Variants in INPP4B observed in about 807,000 individuals in gnomAD.
The protein encoded by INPP4B is inositol polyphosphate 4-phosphatase type II.
In INPP4B, 55 loss-of-function variants were observed where a neutral mutation model predicts 122.5. The observed-to-expected ratio is 0.45, with a 90% CI of 0.36 to 0.56. INPP4B has a LOEUF of 0.56. INPP4B is among the 20% of genes least tolerant of loss of function. INPP4B has a pLI of 0.00. For synonymous variants in INPP4B, 403 were observed against 388.7 expected, an observed-to-expected ratio of 1.04 and a Z score of -0.43; for missense variants, 1,000 against 1,097.7, an observed-to-expected ratio of 0.91 and a Z score of 1.26.
intron 2 of INPP4B, among the ~76,000 whole-genome samples, chr4:142,686,241 G>C (rs181955383): frequency 7.6e-4 from 116 of 152,222 alleles, no homozygotes; most frequent in Middle Eastern, 3.4e-3. Flanking sequence ...GTTAAGACAA[G>C]CTTAAGCAGA....
chr4:142,550,587 T>TACACACAC (rs1473832625), intron 2 of INPP4B, among the ~76,000 whole-genome samples: 8 of 51,062 alleles, frequency 1.6e-4, no homozygotes, highest in African/African-American at 5.0e-4. Context: ...ATATGTAATA[T>TACACACAC]ATACACACAC....
At position 142,188,518 on chromosome 4, in the gene INPP4B, A is replaced by AAT. The variant is rs1834283430; in HGVS notation, c.1181+4567_1181+4568dup. Among the ~76,000 whole-genome samples, 569 of 105,094 alleles carry AAT rather than the reference A, an allele frequency of 5.4e-3. 95 individuals carry two copies. The highest frequency in any genetic ancestry group is 7.8e-3 in the Non-Finnish European group (415 of 53,192). The allele number at this position is 105,094 out of a possible 152,430, so 68.9% of individuals were successfully genotyped here. A position where few individuals can be genotyped will look rare whatever the true frequency, so the allele number is the denominator to read the frequency against. The stretch of plus-strand genomic sequence containing the variant: ...AAAAAAAAAAAAAAAAAAGAAAAAA[A>AAT]ATATATATAGCTTGACTTATGAGTT... On this transcript the variant is annotated intron_variant, in intron 15 of 25. Transcript: ENST00000262992.
intron 1 of INPP4B, among the ~76,000 whole-genome samples, chr4:142,798,011 T>C (rs116813264): frequency 4.5e-4 from 69 of 151,842 alleles, no homozygotes; most frequent in African/African-American, 1.6e-3. Context: ...TAAAGAACAA[T>C]TGATTTCAAT....
intron 2 of INPP4B, among the ~76,000 whole-genome samples, chr4:142,590,919 T>A (rs975020810): frequency 3.4e-5 from 5 of 148,160 alleles, no homozygotes; most frequent in Admixed American, 2.7e-4. Flanking sequence ...CTAGGGATAC[T>A]TAGAGAAATA....
In INPP4B at chr4:142,183,051, C is replaced by T. The variant is rs542491924; in HGVS notation, c.1182-9242G>A. ...TTTAAGATTTGGTCCTTGCTCCCTG[C>T]CCAGCCTAACGTCCTTTCATACTCT... On this transcript the variant is annotated intron_variant, in intron 15 of 25. Coordinates refer to ENST00000262992, the MANE Select transcript of INPP4B (RefSeq NM_001101669.3). 7.2e-5 allele frequency among the ~76,000 whole-genome samples: 11 copies of T among 152,276 alleles called. 1 individual carries two copies. In the South Asian group the frequency reaches 2.3e-3, roughly 32 times the overall value.
chr4:142,830,123 T>C (rs144606939), intron 1 of INPP4B, among the ~76,000 whole-genome samples: 2 of 152,222 alleles, frequency 1.3e-5, no homozygotes, highest in African/African-American at 2.4e-5. Flanking sequence ...AGAGGTCAAG[T>C]CTACCCAAAC....
chr4:142,428,301 A>G (rs143383869), intron 5 of INPP4B, among the ~76,000 whole-genome samples: 5 of 151,382 alleles, frequency 3.3e-5, no homozygotes, highest in Admixed American at 3.3e-4. Context: ...TTAATATGTA[A>G]AGATTTTGAT....
At chr4:142,241,193 T>A (rs1859208308) in intron 11 of INPP4B, among the ~76,000 whole-genome samples, 1 of 152,052 alleles carries the variant, frequency 6.6e-6, no homozygotes. Flanking sequence ...TATTATAAGT[T>A]CTTTTTAAAG....
intron 2 of INPP4B, among the ~76,000 whole-genome samples, chr4:142,537,429 T>TATATATATATATATAGAGAG (rs1200701380): frequency 5.1e-4 from 13 of 25,476 alleles, no homozygotes; most frequent in Admixed American, 7.7e-4. Context: ...TATATATATA[T>TATATATATATATATAGAGAG]AGAGAGAGAG....
At chr4:142,620,659 G>C (rs748261585) in intron 2 of INPP4B, among the ~76,000 whole-genome samples, 1 of 151,598 alleles carries the variant, frequency 6.6e-6, no homozygotes, top group East Asian at 1.9e-4. Flanking sequence ...ACTGAAATAA[G>C]AGTTAAAAAA....
At chr4:142,484,508 A>C (rs1023754744) in intron 2 of INPP4B, among the ~76,000 whole-genome samples, 4 of 152,074 alleles carry the variant, frequency 2.6e-5, no homozygotes, top group Non-Finnish European at 5.9e-5. Context: ...ATACATCATC[A>C]ATTTATCAAA....
chr4:142,422,558 A>G (rs1312957869), intron 5 of INPP4B, among the ~76,000 whole-genome samples: 1 of 152,056 alleles, frequency 6.6e-6, no homozygotes, highest in African/African-American at 2.4e-5. Flanking sequence ...TACTCCCAGC[A>G]CTTTGGAAGG....
chr4:142,491,479 TC>T (rs1349609371), intron 2 of INPP4B, among the ~76,000 whole-genome samples: 1 of 151,822 alleles, frequency 6.6e-6, no homozygotes, highest in African/African-American at 2.4e-5. Context: ...CATGGTGAAA[TC>T]CCGTCTCTAT....
intron 7 of INPP4B, among the ~76,000 whole-genome samples, chr4:142,390,247 A>G (rs1797238239): frequency 6.6e-6 from 1 of 152,192 alleles, no homozygotes; most frequent in African/African-American, 2.4e-5. Context: ...CTTGAACAAG[A>G]TTTTCATGTA....
At chr4:142,537,423 T>TAGAGAGAGAG (rs1476285253) in intron 2 of INPP4B, among the ~76,000 whole-genome samples, 1 of 47,988 alleles carries the variant, frequency 2.1e-5, no homozygotes, top group Non-Finnish European at 4.4e-5. Context: ...TATATATATA[T>TAGAGAGAGAG]ATATATAGAG....
intron 9 of INPP4B, among the ~76,000 whole-genome samples, chr4:142,303,030 A>G (rs566282157): frequency 1.1e-4 from 16 of 152,278 alleles, no homozygotes; most frequent in Middle Eastern, 3.4e-3. Flanking sequence ...TTTACTCTAC[A>G]TCTTTAAAAA....
chr4:142,699,190 T>C (rs978112262), intron 2 of INPP4B, among the ~76,000 whole-genome samples: 3 of 152,194 alleles, frequency 2.0e-5, no homozygotes, highest in Non-Finnish European at 4.4e-5. Context: ...ACTATTTCAT[T>C]GTGGTTTATT....
chr4:142,787,252 A>G (rs975541146), intron 1 of INPP4B, among the ~76,000 whole-genome samples: 1 of 152,132 alleles, frequency 6.6e-6, no homozygotes, highest in African/African-American at 2.4e-5. Flanking sequence ...TTGCAATACA[A>G]CCGTGCTGGG....
chr4:142,195,200 C>A (rs1837629853), intron 14 of INPP4B, among the ~76,000 whole-genome samples: 1 of 152,138 alleles, frequency 6.6e-6, no homozygotes, highest in African/African-American at 2.4e-5. Flanking sequence ...AGTTCCAGGA[C>A]AAACACTCCA....
Sources: gnomAD v4.1 joint callset for allele counts (sites outside exome capture counted in the v4.1 genomes callset) on GRCh38, gnomAD v4.1.1 for gene constraint, MANE v1.5 for transcripts, NCBI Gene and HGNC (gene_info 2026-07-23, HGNC 2026-07-21) for gene names.